The following TRERF1 variants were observed in gnomAD, a reference collection of about 807,000 sequenced individuals.
TRERF1 encodes transcriptional-regulating factor 1.
A neutral mutation model predicts 122.9 loss-of-function variants in TRERF1; 27 were observed. That is an observed-to-expected ratio of 0.22 (90% CI 0.16 to 0.30). TRERF1 has a LOEUF of 0.30. Ranked by LOEUF, TRERF1 falls within the 10% of genes least tolerant of loss-of-function variation. The pLI is 1.00. For missense variants in TRERF1, 1,248 were observed against 1,560.3 expected (o/e 0.80, Z 3.37); for synonymous variants, 636 against 641.7 (o/e 0.99, Z 0.13).
Position 42,246,553 on chromosome 6 carries a change from A to C in TRERF1, c.2657-9T>G, listed in dbSNP as rs117301162. 2,303 of 1,591,362 alleles carry C rather than the reference A, an allele frequency of 1.4e-3. 46 individuals are homozygous for C. In the Admixed American group the frequency reaches 0.026, roughly 18 times the overall value. On this transcript the variant is annotated splice_polypyrimidine_tract_variant and intron_variant, in intron 13 of 17. Transcript: ENST00000372922. ...GGTCCACTTGTCCGAACCTACAACA[A>C]AACACAAACATCATAAGAACAGCTC...
intron 15 of TRERF1, among the ~76,000 whole-genome samples, chr6:42,236,765 G>C (rs987847327): frequency 2.0e-5 from 3 of 152,234 alleles, no homozygotes; most frequent in African/African-American, 7.2e-5. Flanking sequence ...GCTGCGTCCT[G>C]CCTGTAAGTA....
At chr6:42,380,077 T>A (rs1011231157) in intron 2 of TRERF1, among the ~76,000 whole-genome samples, 2 of 151,506 alleles carry the variant, frequency 1.3e-5, no homozygotes, top group African/African-American at 4.9e-5. Flanking sequence ...GGGGGAAGAG[T>A]GGAGTCAGCC....
chr6:42,338,627 C>T (rs1212613527), intron 3 of TRERF1, among the ~76,000 whole-genome samples: 1 of 152,158 alleles, frequency 6.6e-6, no homozygotes, highest in African/African-American at 2.4e-5. Flanking sequence ...ACGTGGTGCT[C>T]CCTCTGCCAC....
chr6:42,235,409 T>C (rs530016143), intron 16 of TRERF1, among the ~76,000 whole-genome samples: 30 of 152,288 alleles, frequency 2.0e-4, no homozygotes, highest in African/African-American at 6.5e-4. Context: ...CAGCGGGAGA[T>C]TGAGAAATAA....
intron 2 of TRERF1, among the ~76,000 whole-genome samples, chr6:42,438,591 CAG>C (rs1477710903): frequency 1.3e-5 from 2 of 148,472 alleles, no homozygotes; most frequent in East Asian, 2.0e-4. Context: ...GCCTGGGCAA[CAG>C]AGTGAGACTC....
In TRERF1 at chr6:42,235,581, T is replaced by C. The variant is rs192126762; in HGVS notation, c.3066+624A>G. On this transcript the variant is annotated intron_variant, in intron 16 of 17. Coordinates refer to ENST00000372922, the Ensembl canonical transcript of TRERF1. ...CTTGAAAAGTAGTAGCCTCTGTATT[T>C]ACACACACTCCCTTTCAGCCTGTTT... is the stretch of plus-strand genomic sequence containing the variant. Among the ~76,000 whole-genome samples, 782 of 152,352 alleles carry C rather than the reference T, an allele frequency of 5.1e-3. 10 individuals are homozygous for C. The highest frequency in any genetic ancestry group is 6.3e-3 in the Non-Finnish European group (431 of 68,028).
chr6:42,339,484 C>T (rs1766834684), intron 3 of TRERF1, among the ~76,000 whole-genome samples: 1 of 152,206 alleles, frequency 6.6e-6, no homozygotes, highest in Non-Finnish European at 1.5e-5. Context: ...CAGGCAGCAA[C>T]TACTTCTGAA....
chr6:42,395,590 AGACCGAAG>A (rs1407723338), intron 2 of TRERF1, among the ~76,000 whole-genome samples: 1 of 152,138 alleles, frequency 6.6e-6, no homozygotes, highest in Non-Finnish European at 1.5e-5. Flanking sequence ...GTCAGAGAAG[AGACCGAAG>A]AGAGAAGCTA....
At chr6:42,392,407 G>A (rs747527104) in intron 2 of TRERF1, among the ~76,000 whole-genome samples, 9 of 152,084 alleles carry the variant, frequency 5.9e-5, no homozygotes, top group South Asian at 2.1e-4. Flanking sequence ...GGACGTACCT[G>A]GGACACAGCA....
chr6:42,269,613 G>A lies in TRERF1; in HGVS notation c.-23C>T, dbSNP rs73733137. 12 of 1,602,996 alleles carry A rather than the reference G, an allele frequency of 7.5e-6. No homozygotes were observed. Among genetic ancestry groups the A allele is most frequent in the African/African-American group, 5.4e-5 (4 of 74,538 alleles). On this transcript the variant is annotated 5_prime_UTR_variant, in exon 5 of 18. The change creates a new upstream start codon in the 5' untranslated region. Transcript: ENST00000372922. This position sits in a 1 kb window ranked among gnomAD's most constrained non-coding sequence, Gnocchi z 4.9. ...CATGCTGTCTGCCTTGGTTGTGAAC[G>A]TCCAGCCACAAAACCATAAAAAAGG... is the stretch of plus-strand genomic sequence containing the variant.
rs1006004894 is a variant in TRERF1, at chr6:42,314,347, T to A, written c.-370-13598A>T. Among the ~76,000 whole-genome samples the A allele has an allele frequency of 5.3e-5, 8 of 152,306 alleles. No individual in the cohort carries two copies. The East Asian group carries it at 1.5e-3, about 29-fold the overall frequency. On this transcript the variant is annotated intron_variant, in intron 3 of 17. Transcript: ENST00000372922. Reference sequence around the variant, plus strand: ...GAGTCTACCCTGATCGAACTCTTCATCAACATAAATCCCTGGTTTTACAAC... The same window carrying A: ...GAGTCTACCCTGATCGAACTCTTCAACAACATAAATCCCTGGTTTTACAAC...
chr6:42,431,388 A>G (rs1378290360), intron 2 of TRERF1, among the ~76,000 whole-genome samples: 1 of 152,170 alleles, frequency 6.6e-6, no homozygotes, highest in Non-Finnish European at 1.5e-5. Context: ...AAAGTACAGA[A>G]GGCTCCAAAC....
In TRERF1 at chr6:42,232,937, G is replaced by A; in HGVS notation, c.3067-45C>T. Reference sequence around the variant, plus strand: ...ACATGACATCTACAGTCCTGAAAAGGAAATTAGGGTTATTAGTTACTCAGT... The same window carrying A: ...ACATGACATCTACAGTCCTGAAAAGAAAATTAGGGTTATTAGTTACTCAGT... On this transcript the variant is annotated intron_variant, in intron 16 of 17. Coordinates refer to ENST00000372922, the Ensembl canonical transcript of TRERF1. The surrounding 1 kb of genome is among the most constrained non-coding windows in gnomAD (Gnocchi z 4.5). 6.6e-7 allele frequency: 1 copy of A among 1,525,852 alleles called. No homozygotes were observed. Among genetic ancestry groups the A allele is most frequent in the South Asian group, 1.2e-5 (1 of 83,156 alleles). The allele number at this position is 1,525,852 out of a possible 1,614,324, so 94.5% of individuals were successfully genotyped here. A position where few individuals can be genotyped will look rare whatever the true frequency, so the allele number is the denominator to read the frequency against.
rs553573753 is a variant in TRERF1 at position 42,309,161 on chromosome 6, G to A, written c.-370-8412C>T. Among the ~76,000 whole-genome samples the A allele has an allele frequency of 2.6e-5, 4 of 152,272 alleles. No individual in the cohort carries two copies. The East Asian group carries it at 7.7e-4, about 29-fold the overall frequency. On this transcript the variant is annotated intron_variant, in intron 3 of 17. Transcript: ENST00000372922. The stretch of plus-strand genomic sequence containing the variant: ...GTGGTCCCCAAACACAGCCTAAAAG[G>A]CAGGGTCGATTTGTGTAAACAATGC...
chr6:42,247,482 A>G (rs558620061), intron 13 of TRERF1, among the ~76,000 whole-genome samples: 2 of 152,304 alleles, frequency 1.3e-5, no homozygotes, highest in African/African-American at 4.8e-5. Context: ...GAGGTTTTCA[A>G]AGAACGACTA....
intron 2 of TRERF1, among the ~76,000 whole-genome samples, chr6:42,450,726 G>T (rs1476380864): frequency 3.9e-5 from 6 of 152,070 alleles, no homozygotes; most frequent in African/African-American, 7.2e-5. Context: ...GAAGGAACAG[G>T]TTTACCCCCT....
intron 2 of TRERF1, among the ~76,000 whole-genome samples, chr6:42,365,527 G>A (rs1461692626): frequency 1.3e-5 from 2 of 152,136 alleles, no homozygotes; most frequent in East Asian, 1.9e-4. Context: ...CGCATGAGAA[G>A]ATTCATTATT....
intron 3 of TRERF1, among the ~76,000 whole-genome samples, chr6:42,305,469 T>A (rs1300696729): frequency 6.6e-6 from 1 of 151,770 alleles, no homozygotes; most frequent in Non-Finnish European, 1.5e-5. Flanking sequence ...AGATTAGGAG[T>A]CTTAGGGAAG....
chr6:42,364,816 G>A (rs1306158240), intron 2 of TRERF1, among the ~76,000 whole-genome samples: 2 of 152,190 alleles, frequency 1.3e-5, no homozygotes, highest in African/African-American at 4.8e-5. Context: ...ATCTGTAAGG[G>A]GAGGAGAAAA....
Sources: allele counts gnomAD v4.1 joint callset (sites outside exome capture counted in the v4.1 genomes callset), GRCh38; gene constraint gnomAD v4.1.1; non-coding constraint Gnocchi (gnomAD v3.1); transcripts MANE v1.5; gene names NCBI Gene and HGNC (gene_info 2026-07-23, HGNC 2026-07-21).